PALLD: variants seen among roughly 807,000 people sequenced by gnomAD.
PALLD encodes the protein palladin, cytoskeletal associated protein.
A neutral mutation model predicts 123.5 loss-of-function variants in PALLD; 61 were observed. The observed-to-expected ratio is 0.49, with a 90% CI of 0.40 to 0.61. The LOEUF is 0.61. PALLD is among the 20% of genes least tolerant of loss of function. The pLI is 0.00. For synonymous variants in PALLD, 465 were observed against 496.4 expected, an observed-to-expected ratio of 0.94 and a Z score of 0.84; for missense variants, 1,273 against 1,377.0, an observed-to-expected ratio of 0.92 and a Z score of 1.20.
At chr4:168,571,716 G>A (rs937950785) in intron 2 of PALLD, among the ~76,000 whole-genome samples, 4 of 152,118 alleles carry the variant, frequency 2.6e-5, no homozygotes, top group African/African-American at 9.7e-5. Context: ...ATTCTTGAAG[G>A]TAAATTTCAT....
At chr4:168,876,691 C>T (rs975032478) in intron 10 of PALLD, among the ~76,000 whole-genome samples, 1 of 152,164 alleles carries the variant, frequency 6.6e-6, no homozygotes, top group Non-Finnish European at 1.5e-5. Context: ...ATTGCTGAGT[C>T]TCTGAAGGCT....
At chr4:168,560,030 A>G (rs1767710351) in intron 2 of PALLD, among the ~76,000 whole-genome samples, 1 of 152,174 alleles carries the variant, frequency 6.6e-6, no homozygotes, top group Non-Finnish European at 1.5e-5. Flanking sequence ...GCATCTTACA[A>G]ATTTCAATGT....
Position 168,711,000 on chromosome 4 carries a change from G to A in PALLD, c.1622-581G>A, listed in dbSNP as rs142259611. ...GCAAGGTGCAGAATCTAAAAAAGAC[G>A]TGATCTCAAGATGCTTTCAGCCTAT... On this transcript the variant is annotated intron_variant, in intron 9 of 21. Transcript: ENST00000505667. Among the ~76,000 whole-genome samples the A allele has an allele frequency of 2.5e-3, 381 of 152,234 alleles. 1 individual carries two copies. The highest frequency in any genetic ancestry group is 3.1e-3 in the Non-Finnish European group (211 of 68,014).
intron 2 of PALLD, among the ~76,000 whole-genome samples, chr4:168,561,875 GA>G (rs904228393): frequency 2.4e-4 from 36 of 151,520 alleles, no homozygotes; most frequent in Admixed American, 7.9e-4. Flanking sequence ...ATGTCCGTGG[GA>G]AAAAAAAGAG....
chr4:168,547,960 A>C (rs914416379), intron 2 of PALLD, among the ~76,000 whole-genome samples: 3 of 151,216 alleles, frequency 2.0e-5, no homozygotes, highest in African/African-American at 4.9e-5. Flanking sequence ...AAAAAAAAAA[A>C]AAAAAACCTG....
chr4:168,559,244 C>T (rs1345136763), intron 2 of PALLD, among the ~76,000 whole-genome samples: 2 of 152,154 alleles, frequency 1.3e-5, no homozygotes, highest in African/African-American at 4.8e-5. Context: ...ACTGTTTAGC[C>T]TCTGAAAACT....
chr4:168,579,614 A>G (rs1285699359), intron 2 of PALLD, among the ~76,000 whole-genome samples: 1 of 152,146 alleles, frequency 6.6e-6, no homozygotes, highest in Non-Finnish European at 1.5e-5. Flanking sequence ...CAAATTAAAA[A>G]ATATGAGAAT....
chr4:168,870,258 A>C (rs1264641577), intron 10 of PALLD, among the ~76,000 whole-genome samples: 1 of 152,214 alleles, frequency 6.6e-6, no homozygotes. Context: ...CTCTAGCCCC[A>C]TAGAAACTAT....
intron 2 of PALLD, among the ~76,000 whole-genome samples, chr4:168,655,961 C>CT (rs1162554513): frequency 6.6e-6 from 1 of 152,234 alleles, no homozygotes; most frequent in East Asian, 1.9e-4. Context: ...CCAATAGGAG[C>CT]TGTGGCCCCT....
At chr4:168,919,776 C>T (rs1247358880) in intron 17 of PALLD, among the ~76,000 whole-genome samples, 1 of 152,120 alleles carries the variant, frequency 6.6e-6, no homozygotes, top group Non-Finnish European at 1.5e-5. Context: ...CAACAAGCAT[C>T]ACTATTTTCA....
Position 168,926,333 on chromosome 4 carries a change from A to ACCCATCTCACCTGACACTGAATACTGC in PALLD, c.*155_*181dup, listed in dbSNP as rs1762575972. 7.2e-6 allele frequency: 11 copies of ACCCATCTCACCTGACACTGAATACTGC among 1,537,288 alleles called. No individual in the cohort carries two copies. Among genetic ancestry groups the ACCCATCTCACCTGACACTGAATACTGC allele is most frequent in the Non-Finnish European group, 9.6e-6 (11 of 1,146,874 alleles). ...AAAGCAGCGTTCCAACCTGAGGCCA[A>ACCCATCTCACCTGACACTGAATACTGC]CCCATCTCACCTGACACTGAATACT... On this transcript the variant is annotated 3_prime_UTR_variant, in exon 22 of 22. Transcript: ENST00000505667.
In PALLD at chr4:168,527,422, C is replaced by CAAAAAAAAAAAAAA. The variant is rs35555541; in HGVS notation, c.908+15019_908+15032dup. Among the ~76,000 whole-genome samples the CAAAAAAAAAAAAAA allele has an allele frequency of 2.0e-3, 108 of 52,906 alleles. 16 individuals carry two copies. The highest frequency in any genetic ancestry group is 9.8e-3 in the African/African-American group (87 of 8,852). The allele number at this position is 52,906 out of a possible 152,430, so 34.7% of individuals were successfully genotyped here. On this transcript the variant is annotated intron_variant, in intron 2 of 21. Coordinates refer to ENST00000505667, the MANE Select transcript of PALLD (RefSeq NM_001166108.2). ...GGGCAACAGGAGTGAAACTCCATCTCAAAAAAAAAAAAAAAAAAAAAAGTC... is the reference window on the plus strand; with the variant it reads ...GGGCAACAGGAGTGAAACTCCATCTCAAAAAAAAAAAAAAAAAAAAAAAAAAAAAAAAAAAAGTC...
chr4:168,913,824 TTTATGAAATAATGTC>T, intron 15 of PALLD, 88 bp from the exon 16 acceptor site: 2 of 850,440 alleles, frequency 2.4e-6, no homozygotes, highest in Non-Finnish European at 4.1e-6. Context: ...TACTGAATTT[TTTATGAAATAATGTC>T]TTATAGAGAA....
At chr4:168,897,864 T>C (rs895836121) in intron 13 of PALLD, 1 of 151,976 alleles carries the variant, frequency 6.6e-6, no homozygotes, top group Non-Finnish European at 1.5e-5. Flanking sequence ...CTGTCAGTCC[T>C]ATTTTTTCTT....
chr4:168,676,654 C>T (rs536002457), intron 3 of PALLD, among the ~76,000 whole-genome samples: 9 of 151,614 alleles, frequency 5.9e-5, no homozygotes, highest in Non-Finnish European at 1.3e-4. Flanking sequence ...GGCGTGATCT[C>T]GGCTCACTGC....
At chr4:168,834,664 C>G (rs1417919241) in intron 10 of PALLD, among the ~76,000 whole-genome samples, 1 of 151,962 alleles carries the variant, frequency 6.6e-6, no homozygotes, top group African/African-American at 2.4e-5. Flanking sequence ...TTGAACCCAG[C>G]AGGTGGAAGT....
chr4:168,840,291 T>C (rs1468630798), intron 10 of PALLD, among the ~76,000 whole-genome samples: 4 of 152,262 alleles, frequency 2.6e-5, no homozygotes, highest in African/African-American at 7.2e-5. Flanking sequence ...GAACAAGAGA[T>C]AAGGAGCTCG....
At chr4:168,859,802 C>T (rs1454394668) in intron 10 of PALLD, among the ~76,000 whole-genome samples, 2 of 151,920 alleles carry the variant, frequency 1.3e-5, no homozygotes, top group Non-Finnish European at 1.5e-5. Flanking sequence ...ACAATGAAGA[C>T]CACATATGCA....
intron 14 of PALLD, among the ~76,000 whole-genome samples, chr4:168,902,731 T>C (rs1756803388): frequency 6.6e-6 from 1 of 152,174 alleles, no homozygotes; most frequent in South Asian, 2.1e-4. Context: ...GAGGACCCTT[T>C]GGACTACTTA....
Sources: gnomAD v4.1 joint callset for allele counts (sites outside exome capture counted in the v4.1 genomes callset) on GRCh38, gnomAD v4.1.1 for gene constraint, MANE v1.5 for transcripts, NCBI Gene and HGNC (gene_info 2026-07-23, HGNC 2026-07-21) for gene names.